The following EGF variants were observed in gnomAD, a reference collection of about 807,000 sequenced individuals.
EGF encodes epidermal growth factor.
A neutral mutation model predicts 143.8 loss-of-function variants in EGF; 95 were observed. That is an observed-to-expected ratio of 0.66 (90% CI 0.56 to 0.78). The LOEUF (loss-of-function observed/expected upper bound fraction) is 0.78. Among genes scored for constraint, EGF ranks in the 30% least tolerant of loss-of-function variants. The pLI, the probability that EGF is intolerant of heterozygous loss-of-function variation, is 0.00. For synonymous variants in EGF, 510 were observed against 510.5 expected, an observed-to-expected ratio of 1.00 and a Z score of 0.01; for missense variants, 1,320 against 1,470.9, an observed-to-expected ratio of 0.90 and a Z score of 1.68.
chr4:109,940,802 T>C, intron 1 of EGF, 144 bp from the exon 2 acceptor site: 3 of 805,308 alleles, frequency 3.7e-6, no homozygotes, highest in Non-Finnish European at 6.0e-6. Flanking sequence ...GAACTCTTTA[T>C]TGTCTATAAA....
At chr4:109,944,779 T>C (rs1432475737) in intron 4 of EGF, among the ~76,000 whole-genome samples, 2 of 152,206 alleles carry the variant, frequency 1.3e-5, no homozygotes, top group Non-Finnish European at 2.9e-5. Flanking sequence ...TTGATGTCAC[T>C]AGAAACCCAC....
intron 1 of EGF, among the ~76,000 whole-genome samples, chr4:109,924,749 A>G (rs1738354790): frequency 1.3e-5 from 2 of 152,244 alleles, no homozygotes; most frequent in African/African-American, 4.8e-5. Context: ...GGCAGTCTTG[A>G]CACCTTTCTT....
At chr4:109,961,434 A>G (rs9992755) in intron 7 of EGF, among the ~76,000 whole-genome samples, 55,939 of 152,024 alleles carry the variant, frequency 0.37, 10,603 homozygotes, top group African/African-American at 0.45. Flanking sequence ...GTTGGGAAAC[A>G]AATCATCTAT....
In EGF at chr4:109,943,268, A is replaced by G. The variant is rs1043341662; in HGVS notation, c.342A>G (p.Ile114Met). The G allele has an allele frequency of 2.5e-6, 4 of 1,605,612 alleles. No homozygotes were observed. Among genetic ancestry groups the G allele is most frequent in the African/African-American group, 1.3e-5 (1 of 74,620 alleles). ...NGSRQERVCN[I>M]EKNVSGMAIN... is the part of the protein sequence containing the mutation. Reference sequence around the variant, plus strand: ...TGATTTTGCAGAGAGTATGTAATATAGAGAAAAATGTTTCTGGAATGGCAA... The same window carrying G: ...TGATTTTGCAGAGAGTATGTAATATGGAGAAAAATGTTTCTGGAATGGCAA... Residue 114 changes from isoleucine to methionine, a missense_variant, in exon 3 of 24, where the codon ATA (isoleucine) becomes ATG (methionine). By Grantham distance (10) the Ile-to-Met change is conservative. Transcript: ENST00000265171.
intron 15 of EGF, among the ~76,000 whole-genome samples, chr4:109,981,527 A>C (rs761172077): frequency 2.0e-5 from 3 of 152,196 alleles, no homozygotes; most frequent in Admixed American, 6.5e-5. Context: ...AGTAGTACTT[A>C]TTTGCCTCCC....
chr4:110,002,812 C>T (rs1046616129), intron 21 of EGF, among the ~76,000 whole-genome samples: 6 of 152,152 alleles, frequency 3.9e-5, no homozygotes, highest in Non-Finnish European at 5.9e-5. Flanking sequence ...TGTTCCTCCT[C>T]CCACCCTCCA....
intron 1 of EGF, among the ~76,000 whole-genome samples, chr4:109,929,628 GT>G (rs954136958): frequency 6.6e-6 from 1 of 152,128 alleles, no homozygotes; most frequent in Admixed American, 6.5e-5. Flanking sequence ...GGTAGGGGCT[GT>G]TTTCTGCTCT....
At chr4:109,939,442 A>T (rs571194527) in intron 1 of EGF, among the ~76,000 whole-genome samples, 5 of 152,158 alleles carry the variant, frequency 3.3e-5, no homozygotes, top group Non-Finnish European at 7.4e-5. Context: ...AGTTACAGGC[A>T]CTCACAACTT....
At chr4:109,958,144 A>G (rs10027781) in intron 5 of EGF, among the ~76,000 whole-genome samples, 1 of 152,160 alleles carries the variant, frequency 6.6e-6, no homozygotes, top group Non-Finnish European at 1.5e-5. Context: ...ACATCCTCCC[A>G]TATACTTTAA....
At chr4:109,919,527 C>A (rs929974544) in intron 1 of EGF, among the ~76,000 whole-genome samples, 1 of 152,008 alleles carries the variant, frequency 6.6e-6, no homozygotes, top group Non-Finnish European at 1.5e-5. Flanking sequence ...CTGGTCATGG[C>A]CAGTGATTGT....
rs774090421 is a variant in EGF at position 110,011,290 on chromosome 4, T to C, written c.3459T>C (p.Asp1153=). ...EQGCWIPVSS[D]KGSCPQVMER... ...GCTGCTGGATTCCAGTATCCAGTGA[T>C]AAGGGCTCCTGTCCCCAGGTAATGG... The change falls in exon 24 of 24, where the codon GAT becomes GAC. Residue 1153 remains aspartate (D), a synonymous_variant. Coordinates refer to ENST00000265171, the MANE Select transcript of EGF (RefSeq NM_001963.6). 4 of 1,614,060 alleles carry C rather than the reference T, an allele frequency of 2.5e-6. No homozygotes were observed. The highest frequency in any genetic ancestry group is 1.7e-5 in the Admixed American group (1 of 59,998).
At chr4:109,995,470 A>G (rs929802839) in intron 20 of EGF, among the ~76,000 whole-genome samples, 5 of 152,186 alleles carry the variant, frequency 3.3e-5, no homozygotes, top group Admixed American at 3.3e-4. Flanking sequence ...AGGGTTTCAC[A>G]GTGGGTAACG....
chr4:109,925,985 T>C (rs1738571039), intron 1 of EGF, among the ~76,000 whole-genome samples: 1 of 152,142 alleles, frequency 6.6e-6, no homozygotes, highest in Non-Finnish European at 1.5e-5. Flanking sequence ...ACAAGACTAG[T>C]CTCTTTATAA....
At chr4:109,988,086 A>T (rs1269675701) in intron 17 of EGF, among the ~76,000 whole-genome samples, 1 of 152,180 alleles carries the variant, frequency 6.6e-6, no homozygotes, top group Admixed American at 6.5e-5. Context: ...ATGGTTACAC[A>T]ATATATGCAG....
At position 109,988,625 on chromosome 4, in the gene EGF, G is replaced by T; in HGVS notation, c.2650G>T (p.Ala884Ser). ...GATGGGTGTCCCAGTGTGCCCCCCT[G>T]CCTCCTCCAAGTGCATCAACACCGA... ...CEMGVPVCPP[A>S]SSKCINTEGG... is the part of the protein sequence containing the mutation. The change falls in exon 18 of 24, where the codon GCC becomes TCC. Residue 884 changes from alanine (A) to serine (S), a missense_variant. Physicochemically the swap from Ala to Ser is moderately conservative, Grantham distance 99. Transcript: ENST00000265171. 1 of 1,614,062 alleles carries T rather than the reference G, an allele frequency of 6.2e-7. No individual in the cohort carries two copies. Among genetic ancestry groups the T allele is most frequent in the Non-Finnish European group, 8.5e-7 (1 of 1,179,932 alleles).
At chr4:109,987,701 C>T in intron 16 of EGF, 43 bp from the exon 17 acceptor site, 1 of 1,522,828 alleles carries the variant, frequency 6.6e-7, no homozygotes, top group Non-Finnish European at 9.1e-7. Flanking sequence ...GTTTTCTTCT[C>T]TAAGGTCTAG....
intron 21 of EGF, 22 bp downstream of exon 21, chr4:109,999,868 T>A (rs1197957885): frequency 6.2e-7 from 1 of 1,612,624 alleles, no homozygotes; most frequent in Non-Finnish European, 8.5e-7. Context: ...TTTCCTTTGG[T>A]ACTGGAAACC....
At chr4:110,010,145 G>A (rs1399091080) in intron 23 of EGF, among the ~76,000 whole-genome samples, 1 of 152,146 alleles carries the variant, frequency 6.6e-6, no homozygotes, top group Non-Finnish European at 1.5e-5. Flanking sequence ...TGTAGTCCCA[G>A]CTACTCAGGA....
chr4:109,988,826 G>T (rs1750536339), intron 18 of EGF, 117 bp downstream of exon 18: 3 of 1,490,040 alleles, frequency 2.0e-6, no homozygotes, highest in Non-Finnish European at 2.8e-6. Flanking sequence ...CACATGTCAA[G>T]ATTTAAAGAG....
Sources: allele counts gnomAD v4.1 joint callset (sites outside exome capture counted in the v4.1 genomes callset), GRCh38; gene constraint gnomAD v4.1.1; transcripts MANE v1.5; gene names NCBI Gene and HGNC (gene_info 2026-07-23, HGNC 2026-07-21).